The following USHBP1 variants were observed in gnomAD, a reference collection of about 807,000 sequenced individuals.
USHBP1 encodes harmonin-binding protein USHBP1.
Under a neutral mutation model 76.2 loss-of-function variants are expected in USHBP1, and 67 were observed. That is an observed-to-expected ratio of 0.88 (90% CI 0.72 to 1.08). The LOEUF is 1.08. USHBP1 is among the 50% of genes least tolerant of loss of function. The pLI is 0.00. For synonymous variants in USHBP1, 322 were observed against 362.2 expected (o/e 0.89, Z 1.26); for missense variants, 931 against 915.0 (o/e 1.02, Z -0.23).
chr19:17,255,355 C>T (rs778489800), intron 10 of USHBP1, 30 bp downstream of exon 10: 4 of 1,598,696 alleles, frequency 2.5e-6, no homozygotes, highest in Middle Eastern at 1.7e-4. Context: ...GTAAGCTACT[C>T]CCCTACCAGG....
At position 17,250,085 on chromosome 19, in the gene USHBP1, G is replaced by T; in HGVS notation, c.*140C>A. ...CCTGGCCACACCCCATCAGGCCCTG[G>T]ACACCCATGTGCACCAGCTTCCCTC... On this transcript the variant is annotated 3_prime_UTR_variant, in exon 13 of 13. Transcript: ENST00000252597. 2 of 946,434 alleles carry T rather than the reference G, an allele frequency of 2.1e-6. No homozygotes were observed. The highest frequency in any genetic ancestry group is 1.5e-6 in the Non-Finnish European group (1 of 648,948). 58.6% of individuals were successfully genotyped at this position (946,434 alleles called of 1,614,324 possible).
At position 17,251,811 on chromosome 19, in the gene USHBP1, A is replaced by G. The variant is rs574954979; in HGVS notation, c.1799+100T>C. ...TATTGTCATGTAAACACACCTGTAC[A>G]CCGGGGTACACCTTAGCTTCTACTG... On this transcript the variant is annotated intron_variant, in intron 11 of 12. Coordinates refer to ENST00000252597, the MANE Select transcript of USHBP1 (RefSeq NM_031941.4). 753 of 1,558,898 alleles carry G rather than the reference A, an allele frequency of 4.8e-4. 4 individuals carry two copies. The African/African-American group carries it at 9.2e-3, about 19-fold the overall frequency.
chr19:17,259,980 G>C lies in USHBP1; in HGVS notation c.685C>G (p.Pro229Ala), dbSNP rs764305894. The C allele has an allele frequency of 1.6e-5, 26 of 1,613,850 alleles. No individual in the cohort carries two copies. The highest frequency in any genetic ancestry group is 2.1e-5 in the Non-Finnish European group (25 of 1,179,988). Reference protein sequence around the residue: ...QDSLLRLEPCPHLSHNQAGGS... With the variant: ...QDSLLRLEPCAHLSHNQAGGS... The stretch of plus-strand genomic sequence containing the variant: ...CCTGCTTGGTTGTGGGAAAGATGTG[G>C]GCAGGGCTCCAGCCTCAAGAGGGAA... The change falls in exon 5 of 13, where the codon CCA becomes GCA. Residue 229 changes from proline (P) to alanine (A), a missense_variant. Transcript: ENST00000252597.
intron 10 of USHBP1, among the ~76,000 whole-genome samples, chr19:17,254,873 T>C (rs1007350961): frequency 6.6e-6 from 1 of 151,836 alleles, no homozygotes; most frequent in South Asian, 2.1e-4. Context: ...ATGTCTAAGC[T>C]GAGATCTACA....
At position 17,259,600 on chromosome 19, in the gene USHBP1, G is replaced by C; in HGVS notation, c.901C>G (p.Arg301Gly). 6.2e-7 allele frequency: 1 copy of C among 1,609,448 alleles called. No individual in the cohort carries two copies. Among genetic ancestry groups the C allele is most frequent in the South Asian group, 1.1e-5 (1 of 90,460 alleles). Residue 301 changes from arginine (R) to glycine (G), a missense_variant, in exon 6 of 13, where the codon CGG (arginine) becomes GGG (glycine). Arg to Gly is a moderately radical substitution (Grantham distance 125). Transcript: ENST00000252597. ...HIMEAQMEQL[R>G]GSIEKLKCFN... The stretch of plus-strand genomic sequence containing the variant: ...CTCAGCATTTGAGTCTCTTACCCCC[G>C]GAGTTGCTCCATCTGGGCTTCCATG...
chr19:17,261,264 C>CCA (rs1199298630), intron 4 of USHBP1, among the ~76,000 whole-genome samples: 3 of 152,084 alleles, frequency 2.0e-5, no homozygotes, highest in Non-Finnish European at 4.4e-5. Context: ...CTTGAACAGG[C>CCA]CAGTCATGCT....
At chr19:17,252,931 A>C (rs2073570183) in intron 10 of USHBP1, among the ~76,000 whole-genome samples, 1 of 152,004 alleles carries the variant, frequency 6.6e-6, no homozygotes, top group Non-Finnish European at 1.5e-5. Flanking sequence ...CTAGAGATCC[A>C]CTGGAAGTCC....
At chr19:17,264,636 C>T (rs751919908) in intron 1 of USHBP1, 35 bp downstream of exon 1, 9 of 359,796 alleles carry the variant, frequency 2.5e-5, no homozygotes, top group Middle Eastern at 8.1e-4. Context: ...CTCTCCTCCC[C>T]GGCCCTCCTA....
At chr19:17,254,290 TGAGCC>T (rs946480624) in intron 10 of USHBP1, among the ~76,000 whole-genome samples, 1 of 150,584 alleles carries the variant, frequency 6.6e-6, no homozygotes, top group African/African-American at 2.5e-5. Context: ...GAGCTTGCAG[TGAGCC>T]GAGATTGCAC....
chr19:17,252,065 C>T (rs778829172), intron 10 of USHBP1, 48 bp from the exon 11 acceptor site: 126 of 1,518,448 alleles, frequency 8.3e-5, no homozygotes, highest in Non-Finnish European at 1.0e-4. Context: ...AGGCCAAGTC[C>T]GTGCTTGGCC....
intron 7 of USHBP1, chr19:17,258,759 C>T (rs1044243036): frequency 2.8e-4 from 88 of 308,966 alleles, no homozygotes; most frequent in African/African-American, 1.9e-3. Flanking sequence ...CACTTAGCTA[C>T]ATCTTGCTCT....
intron 12 of USHBP1, among the ~76,000 whole-genome samples, chr19:17,251,191 A>T: frequency 7.3e-6 from 1 of 136,768 alleles, no homozygotes. Context: ...TTTTTTTTAG[A>T]CAGAGTCTTG....
At position 17,252,000 on chromosome 19, in the gene USHBP1, A is replaced by C. The variant is rs755047415; in HGVS notation, c.1710T>G (p.Pro570=). 13 of 1,549,092 alleles carry C rather than the reference A, an allele frequency of 8.4e-6. No homozygotes were observed. The highest frequency in any genetic ancestry group is 1.8e-4 in the Middle Eastern group (1 of 5,594). Residue 570 remains proline, a synonymous_variant, in exon 11 of 13, where the codon CCT becomes CCG. Coordinates refer to ENST00000252597, the MANE Select transcript of USHBP1 (RefSeq NM_031941.4). ...EEWYQGLPAV[P]GGTSGIDGGQ... is the part of the protein sequence containing the mutation. ...CACCATCAATGCCACTGGTGCCACCAGGGACAGCAGGAAGGCCCTAAGGGA... is the reference window on the plus strand; with the variant it reads ...CACCATCAATGCCACTGGTGCCACCCGGGACAGCAGGAAGGCCCTAAGGGA...
At position 17,258,167 on chromosome 19, in the gene USHBP1, C is replaced by G. The variant is rs761886487; in HGVS notation, c.1220+45G>C. ...TGGGAGCCCCATCCCCCAGTCAAGA[C>G]CCCACTCCTCAACCAGGCCAGTTCC... On this transcript the variant is annotated intron_variant, in intron 8 of 12. Coordinates refer to ENST00000252597, the MANE Select transcript of USHBP1 (RefSeq NM_031941.4). 6.2e-6 allele frequency: 10 copies of G among 1,609,764 alleles called. No individual in the cohort carries two copies. The East Asian group carries it at 1.8e-4, about 29-fold the overall frequency.
intron 10 of USHBP1, 84 bp downstream of exon 10, chr19:17,255,301 C>CAAA: frequency 8.2e-7 from 1 of 1,226,406 alleles, no homozygotes; most frequent in Non-Finnish European, 1.1e-6. Flanking sequence ...TCAAAAAAAA[C>CAAA]AAAAAAAAAA....
At chr19:17,251,744 C>T (rs745368353) in intron 11 of USHBP1, 40 bp from the exon 12 acceptor site, 36 of 1,608,298 alleles carry the variant, frequency 2.2e-5, no homozygotes, top group East Asian at 1.1e-4. Context: ...CAGCCCCAGC[C>T]GATCCTGTTT....
Position 17,255,431 on chromosome 19 carries a change from TG to T in USHBP1, c.1645del (p.His549IlefsTer42). The T allele has an allele frequency of 1.2e-6, 2 of 1,614,180 alleles. No individual in the cohort carries two copies. The highest frequency in any genetic ancestry group is 1.1e-5 in the South Asian group (1 of 91,080). On this transcript the variant is annotated frameshift_variant, in exon 10 of 13. Coordinates refer to ENST00000252597, the MANE Select transcript of USHBP1 (RefSeq NM_031941.4). LOFTEE classifies it high-confidence loss of function. ...QAGGANSSGG[H>X]SSGGGSSGDE... ...CCCGCTGCTGCCACCTCCGCTGCTA[TG>T]TCCGCCACTGCTGTTTGCCCCACCA...
chr19:17,252,132 A>C (rs7247493), intron 10 of USHBP1, 115 bp from the exon 11 acceptor site: 574,912 of 894,910 alleles, frequency 0.64, 189,313 homozygotes, highest in African/African-American at 0.88. Flanking sequence ...TCAGAGACCC[A>C]CATCTGGTTC....
At chr19:17,252,545 G>A (rs1234249047) in intron 10 of USHBP1, among the ~76,000 whole-genome samples, 1 of 151,948 alleles carries the variant, frequency 6.6e-6, no homozygotes, top group Non-Finnish European at 1.5e-5. Flanking sequence ...TGGTCAACAT[G>A]GTGAAACCCT....
Sources: allele counts gnomAD v4.1 joint callset (sites outside exome capture counted in the v4.1 genomes callset), GRCh38; gene constraint gnomAD v4.1.1; transcripts MANE v1.5; gene names NCBI Gene and HGNC (gene_info 2026-07-23, HGNC 2026-07-21).